Variants in MMP26 observed in about 807,000 individuals in gnomAD.
The protein encoded by MMP26 is matrix metalloproteinase-26.
In MMP26, 33 loss-of-function variants were observed where a neutral mutation model predicts 31.0. That is an observed-to-expected ratio of 1.06 (90% CI 0.81 to 1.42). The LOEUF (loss-of-function observed/expected upper bound fraction) is 1.42. Among genes scored for constraint, MMP26 ranks in the 40% most tolerant of loss-of-function variants. The pLI is 0.00. For missense variants in MMP26, 347 were observed against 316.1 expected, an observed-to-expected ratio of 1.10 and a Z score of -0.74; for synonymous variants, 122 against 114.9, an observed-to-expected ratio of 1.06 and a Z score of -0.40.
intron 1 of MMP26, among the ~76,000 whole-genome samples, chr11:4,738,715 CATCTCTTCATT>C (rs1848274701): frequency 6.6e-6 from 1 of 152,018 alleles, no homozygotes; most frequent in Non-Finnish European, 1.5e-5. Context: ...AATCAGTATT[CATCTCTTCATT>C]TTTTGTCACT....
intron 2 of MMP26, among the ~76,000 whole-genome samples, chr11:4,799,953 G>A (rs1849159300): frequency 6.6e-6 from 1 of 152,212 alleles, no homozygotes; most frequent in East Asian, 1.9e-4. Flanking sequence ...AGCTTGGGAA[G>A]TCCACCCCTG....
intron 2 of MMP26, among the ~76,000 whole-genome samples, chr11:4,983,003 C>T (rs1312882557): frequency 2.0e-5 from 3 of 152,222 alleles, no homozygotes; most frequent in Non-Finnish European, 2.9e-5. Context: ...AGGCTTATTA[C>T]TGTCTCACAA....
At chr11:4,889,241 T>C (rs1850583815) in intron 2 of MMP26, among the ~76,000 whole-genome samples, 1 of 152,116 alleles carries the variant, frequency 6.6e-6, no homozygotes, top group South Asian at 2.1e-4. Context: ...TTCAATCTCA[T>C]ATAAAACGGC....
At chr11:4,808,107 A>G (rs1479197275) in intron 2 of MMP26, among the ~76,000 whole-genome samples, 4 of 152,124 alleles carry the variant, frequency 2.6e-5, no homozygotes, top group Non-Finnish European at 1.5e-5. Flanking sequence ...TGCCCAGCCC[A>G]AATTTTATTG....
intron 2 of MMP26, among the ~76,000 whole-genome samples, chr11:4,839,659 G>A (rs1323098977): frequency 6.6e-6 from 1 of 151,668 alleles, no homozygotes; most frequent in Non-Finnish European, 1.5e-5. Flanking sequence ...TAACTGAAGA[G>A]CCCTTGGACC....
chr11:4,947,511 A>G lies in MMP26; in HGVS notation c.-144-40557A>G, dbSNP rs1846331194. The G allele has an allele frequency of 1.4e-5, 2 of 140,236 alleles. 1 individual carries two copies. The highest frequency in any genetic ancestry group is 3.1e-5 in the Non-Finnish European group (2 of 64,054). The allele number at this position is 140,236 out of a possible 1,614,324, so 8.7% of individuals were successfully genotyped here. On this transcript the variant is annotated intron_variant, in intron 2 of 7. Coordinates refer to ENST00000380390, the MANE Select transcript of MMP26 (RefSeq NM_021801.5). ...AATTGCCAGTAATAATAGTCAAATG[A>G]AAGCTAAATAAATGAGAATACCTGG...
intron 2 of MMP26, among the ~76,000 whole-genome samples, chr11:4,811,905 C>T (rs974124038): frequency 1.3e-5 from 2 of 152,104 alleles, no homozygotes; most frequent in Non-Finnish European, 2.9e-5. Context: ...TTGATCTTCC[C>T]AGAGGCCCCT....
intron 2 of MMP26, among the ~76,000 whole-genome samples, chr11:4,891,424 A>T (rs1252056917): frequency 2.0e-5 from 3 of 152,146 alleles, no homozygotes; most frequent in Non-Finnish European, 2.9e-5. Flanking sequence ...GACAGTACCA[A>T]GCCATGAGGG....
At chr11:4,792,593 A>G (rs1461711391) in intron 2 of MMP26, among the ~76,000 whole-genome samples, 1 of 152,154 alleles carries the variant, frequency 6.6e-6, no homozygotes, top group East Asian at 1.9e-4. Flanking sequence ...GAGAACACAC[A>G]CCCCTCAGTA....
At chr11:4,948,629 A>C (rs1279877089) in intron 2 of MMP26, among the ~76,000 whole-genome samples, 1 of 124,426 alleles carries the variant, frequency 8.0e-6, no homozygotes, top group East Asian at 2.3e-4. Context: ...TCTTTGCAAC[A>C]GTGAAAATCA....
At chr11:4,723,764 C>T (rs902778920) in intron 1 of MMP26, 1 of 1,474,130 alleles carries the variant, frequency 6.8e-7, no homozygotes, top group South Asian at 1.1e-5. Context: ...AACATGTTGT[C>T]CATGTTGCTC....
chr11:4,766,136 T>C (rs1848625797), intron 1 of MMP26, among the ~76,000 whole-genome samples: 1 of 152,228 alleles, frequency 6.6e-6, no homozygotes, highest in Non-Finnish European at 1.5e-5. Flanking sequence ...ATTTTTGCCA[T>C]AAAATGCTTG....
chr11:4,927,192 A>G (rs1851285063), intron 2 of MMP26, among the ~76,000 whole-genome samples: 1 of 152,162 alleles, frequency 6.6e-6, no homozygotes, highest in South Asian at 2.1e-4. Context: ...GGTTGCATAC[A>G]ATGTTGTTAA....
At chr11:4,730,912 C>A (rs950494250) in intron 1 of MMP26, among the ~76,000 whole-genome samples, 2 of 152,112 alleles carry the variant, frequency 1.3e-5, no homozygotes, top group Admixed American at 1.3e-4. Context: ...CCAAACACCA[C>A]AAAGATGCAC....
intron 1 of MMP26, among the ~76,000 whole-genome samples, chr11:4,742,695 A>G (rs543281595): frequency 2.0e-5 from 3 of 152,270 alleles, no homozygotes; most frequent in African/African-American, 7.2e-5. Flanking sequence ...GATATTTAAT[A>G]GTAACAAAAA....
intron 2 of MMP26, among the ~76,000 whole-genome samples, chr11:4,958,212 C>G (rs1406152508): frequency 6.6e-6 from 1 of 152,188 alleles, no homozygotes; most frequent in Non-Finnish European, 1.5e-5. Flanking sequence ...CATTTCAATC[C>G]CCTCTTCTTA....
At chr11:4,844,018 A>G (rs941808744) in intron 2 of MMP26, among the ~76,000 whole-genome samples, 5 of 152,192 alleles carry the variant, frequency 3.3e-5, no homozygotes, top group Non-Finnish European at 7.3e-5. Flanking sequence ...CCCAAAATTG[A>G]CCAACTTTTA....
Position 4,988,165 on chromosome 11 carries a change from C to A in MMP26, c.-47C>A. ...GCACAGCTATAAAGATCCAGTGGCCCAAGTTGTGTACCTGAATTCAAGCAG... is the reference window on the plus strand; with the variant it reads ...GCACAGCTATAAAGATCCAGTGGCCAAAGTTGTGTACCTGAATTCAAGCAG... On this transcript the variant is annotated 5_prime_UTR_variant, in exon 3 of 8. Transcript: ENST00000380390. 6.4e-7 allele frequency: 1 copy of A among 1,552,180 alleles called. No homozygotes were observed. The highest frequency in any genetic ancestry group is 8.9e-7 in the Non-Finnish European group (1 of 1,123,798).
chr11:4,784,741 G>A (rs1472408377), intron 2 of MMP26, among the ~76,000 whole-genome samples: 1 of 152,180 alleles, frequency 6.6e-6, no homozygotes, highest in Non-Finnish European at 1.5e-5. Context: ...AAGCCACCAA[G>A]TTTGTGGTAA....
Sources: gnomAD v4.1 joint callset for allele counts (sites outside exome capture counted in the v4.1 genomes callset) on GRCh38, gnomAD v4.1.1 for gene constraint, MANE v1.5 for transcripts, NCBI Gene and HGNC (gene_info 2026-07-23, HGNC 2026-07-21) for gene names.